ARMC2: variants seen among roughly 807,000 people sequenced by gnomAD.
ARMC2 encodes armadillo repeat-containing protein 2.
In ARMC2, 67 loss-of-function variants were observed where a neutral mutation model predicts 90.3. That is an observed-to-expected ratio of 0.74 (90% confidence interval 0.61 to 0.91). The LOEUF (loss-of-function observed/expected upper bound fraction) is 0.91. Ranked by LOEUF, ARMC2 falls within the 40% of genes least tolerant of loss-of-function variation. The pLI is 0.00. For synonymous variants in ARMC2, 393 were observed against 393.0 expected (o/e 1.00, Z 0.00); for missense variants, 920 against 1,030.9 (o/e 0.89, Z 1.47).
chr6:109,026,687 T>G, the ARMC2 span, among the ~76,000 whole-genome samples: 5 of 152,178 alleles, frequency 3.3e-5, no homozygotes, highest in South Asian at 1.0e-3. Flanking sequence ...GTATTTTTAG[T>G]AGCGACGGGG....
At chr6:108,961,513 C>A in intron 13 of ARMC2, 59 bp from the exon 14 acceptor site, 1 of 1,510,450 alleles carries the variant, frequency 6.6e-7, no homozygotes, top group Non-Finnish European at 8.9e-7. Context: ...GTAGTTGCAA[C>A]GTAGTTGGTT....
chr6:109,000,234 G>A, the ARMC2 span: 1 of 288,304 alleles, frequency 3.5e-6, no homozygotes, highest in South Asian at 1.5e-4. Context: ...GTGACATTAG[G>A]CATTTGTCAA....
chr6:108,854,309 A>T lies in ARMC2; in HGVS notation c.42A>T (p.Pro14=). 6.2e-7 allele frequency: 1 copy of T among 1,612,386 alleles called. No homozygotes were observed. The highest frequency in any genetic ancestry group is 8.5e-7 in the Non-Finnish European group (1 of 1,179,416). The change falls in exon 2 of 18, where the codon CCA becomes CCT. Residue 14 remains proline (P), a synonymous_variant. Transcript: ENST00000392644. ...ATAAAATGTTAGGAAAACTGGATCC[A>T]TTTTATCAACCTTCAGTGTCCAAGC... ...PNDKMLGKLD[P]FYQPSVSKQK...
chr6:109,043,930 C>G, the ARMC2 span, among the ~76,000 whole-genome samples: 27 of 152,224 alleles, frequency 1.8e-4, no homozygotes, highest in African/African-American at 6.0e-4. Flanking sequence ...ATTAATACAG[C>G]ATGATATTGG....
At chr6:109,022,207 C>T in the ARMC2 span, among the ~76,000 whole-genome samples, 5 of 152,090 alleles carry the variant, frequency 3.3e-5, no homozygotes, top group African/African-American at 1.2e-4. Context: ...ATGCCTTAAG[C>T]TACAAAGGCA....
rs1458326925 is a variant in ARMC2 at position 108,894,375 on chromosome 6, TAAATAAG to T, written c.672-88_672-82del. On this transcript the variant is annotated intron_variant, in intron 5 of 17. Coordinates refer to ENST00000392644, the MANE Select transcript of ARMC2 (RefSeq NM_032131.6). The stretch of plus-strand genomic sequence containing the variant: ...CAGAGTGAGACCTATCTCAAAATAA[TAAATAAG>T]AAACTGTATATAGCAGACTCTTGTC... The T allele has an allele frequency of 6.3e-5, 70 of 1,105,362 alleles. 1 individual carries two copies. Among genetic ancestry groups the T allele is most frequent in the Middle Eastern group, 5.9e-4 (2 of 3,372 alleles). The allele number at this position is 1,105,362 out of a possible 1,614,324, so 68.5% of individuals were successfully genotyped here.
At chr6:109,035,855 G>GC in the ARMC2 span, among the ~76,000 whole-genome samples, 7 of 152,142 alleles carry the variant, frequency 4.6e-5, no homozygotes, top group African/African-American at 1.7e-4. Context: ...TGATCCTCCT[G>GC]CCTCAGCCTC....
Position 108,962,271 on chromosome 6 carries a change from G to A in ARMC2, c.2152+144G>A. The A allele has an allele frequency of 1.3e-5, 9 of 704,770 alleles. No homozygotes were observed. In the South Asian group the frequency reaches 1.5e-4, roughly 12 times the overall value. The allele number at this position is 704,770 out of a possible 1,614,324, so 43.7% of individuals were successfully genotyped here. On this transcript the variant is annotated intron_variant, in intron 15 of 17. Coordinates refer to ENST00000392644, the MANE Select transcript of ARMC2 (RefSeq NM_032131.6). ...TTCGTGTTTAAGGCTCCTGGCTCAGGATGCCAAGATGGACCTAGGCAGTGT... is the reference window on the plus strand; with the variant it reads ...TTCGTGTTTAAGGCTCCTGGCTCAGAATGCCAAGATGGACCTAGGCAGTGT...
rs1554239072 is a variant in ARMC2, at chr6:108,880,750, T to TCCTTC, written c.671+4403_671+4407dup. ...CTTCCCTCTCCCTCTTCTCCTTCCT[T>TCCTTC]CCTTCCCCCTTTCCGTTCCCTTCCC... On this transcript the variant is annotated intron_variant, in intron 5 of 17. Transcript: ENST00000392644. 4.4e-3 allele frequency among the ~76,000 whole-genome samples: 588 copies of TCCTTC among 133,254 alleles called. 2 individuals carry two copies. Among genetic ancestry groups the TCCTTC allele is most frequent in the African/African-American group, 0.015 (552 of 36,008 alleles). The allele number at this position is 133,254 out of a possible 152,430, so 87.4% of individuals were successfully genotyped here. A position where few individuals can be genotyped will look rare whatever the true frequency, so the allele number is the denominator to read the frequency against.
chr6:108,904,144 G>A, intron 7 of ARMC2, 86 bp from the exon 8 acceptor site: 1 of 1,449,994 alleles, frequency 6.9e-7, no homozygotes, highest in Non-Finnish European at 9.4e-7. Flanking sequence ...TAATTATGGG[G>A]TTTTTACTTA....
chr6:109,034,400 G>T, the ARMC2 span, among the ~76,000 whole-genome samples: 5 of 152,022 alleles, frequency 3.3e-5, no homozygotes, highest in East Asian at 1.9e-4. Flanking sequence ...ACATATTATA[G>T]AATCTATATT....
intron 13 of ARMC2, among the ~76,000 whole-genome samples, chr6:108,959,793 C>A (rs1426899565): frequency 3.3e-5 from 5 of 152,036 alleles, no homozygotes; most frequent in African/African-American, 1.2e-4. Context: ...TCAAGCAATT[C>A]TTCTGCCTCA....
chr6:108,972,991 G>C (rs771741340), intron 17 of ARMC2, among the ~76,000 whole-genome samples: 5 of 151,996 alleles, frequency 3.3e-5, no homozygotes, highest in Admixed American at 6.6e-5. Flanking sequence ...AAAAAATATT[G>C]CCCATTTAAA....
intron 7 of ARMC2, among the ~76,000 whole-genome samples, chr6:108,900,197 C>T (rs1201026966): frequency 2.0e-5 from 3 of 152,178 alleles, no homozygotes; most frequent in East Asian, 1.9e-4. Context: ...CAGGTGTGCC[C>T]GTGGTTTCCT....
intron 1 of ARMC2, among the ~76,000 whole-genome samples, chr6:108,850,688 A>T (rs1773915904): frequency 6.6e-6 from 1 of 152,254 alleles, no homozygotes; most frequent in South Asian, 2.1e-4. Flanking sequence ...TAGAGAAACT[A>T]TGCAGCCTTC....
At position 108,937,984 on chromosome 6, in the gene ARMC2, G is replaced by A. The variant is rs926026251; in HGVS notation, c.1596+985G>A. On this transcript the variant is annotated intron_variant, in intron 12 of 17. Transcript: ENST00000392644. The stretch of plus-strand genomic sequence containing the variant: ...CAAAGTGCTGGGATTATAGGCGTGA[G>A]CCACTGCACCCGGCCACAGGCATTA... 5.3e-5 allele frequency among the ~76,000 whole-genome samples: 8 copies of A among 152,320 alleles called. No individual in the cohort carries two copies. The East Asian group carries it at 1.4e-3, about 26-fold the overall frequency.
chr6:108,981,168 ACT>A, the ARMC2 span, among the ~76,000 whole-genome samples: 1 of 151,934 alleles, frequency 6.6e-6, no homozygotes, highest in Non-Finnish European at 1.5e-5. Context: ...AAAAAGTCAA[ACT>A]CTCCCCTCGC....
At chr6:108,856,616 G>A (rs529199022) in intron 2 of ARMC2, 19 of 192,328 alleles carry the variant, frequency 9.9e-5, no homozygotes, top group Admixed American at 2.5e-4. Flanking sequence ...CTTGTCTGAC[G>A]CTTTGACAGC....
the ARMC2 span, among the ~76,000 whole-genome samples, chr6:109,041,589 T>C: frequency 6.6e-6 from 1 of 151,730 alleles, no homozygotes; most frequent in Admixed American, 6.6e-5. Context: ...GCAAAGAAAA[T>C]TACCAGAGAC....
Sources: allele counts gnomAD v4.1 joint callset (sites outside exome capture counted in the v4.1 genomes callset), GRCh38; gene constraint gnomAD v4.1.1; transcripts MANE v1.5; gene names NCBI Gene and HGNC (gene_info 2026-07-23, HGNC 2026-07-21).